The following SOX5 variants were observed in gnomAD, a reference collection of about 807,000 sequenced individuals.
The protein encoded by SOX5 is SRY-box transcription factor 5, also known as transcription factor SOX-5.
In SOX5, 9 loss-of-function variants were observed where a neutral mutation model predicts 92.0. The ratio of observed to expected loss-of-function variants is 0.10; its 90% CI spans 0.06 to 0.17. The LOEUF is 0.17. Among genes scored for constraint, SOX5 ranks in the 10% least tolerant of loss-of-function variants. SOX5 has a pLI of 1.00. For missense variants in SOX5, 642 were observed against 944.5 expected (o/e 0.68, Z 4.20); for synonymous variants, 344 against 336.3 (o/e 1.02, Z -0.25).
chr12:24,228,869 A>T (rs1174056465), intron 3 of SOX5, among the ~76,000 whole-genome samples: 2 of 151,900 alleles, frequency 1.3e-5, no homozygotes, highest in East Asian at 3.9e-4. Flanking sequence ...GGTGCCTCTC[A>T]CCCCTGGCCT....
chr12:24,299,298 C>A (rs1030641027), intron 2 of SOX5, among the ~76,000 whole-genome samples: 1 of 152,070 alleles, frequency 6.6e-6, no homozygotes, highest in Non-Finnish European at 1.5e-5. Context: ...CAATTTACGA[C>A]AAGTTATCTA....
intron 1 of SOX5, among the ~76,000 whole-genome samples, chr12:23,901,899 A>C (rs2097237478): frequency 6.6e-6 from 1 of 152,212 alleles, no homozygotes; most frequent in South Asian, 2.1e-4. Context: ...ATGTCTCAGT[A>C]TTGTCAGAAA....
rs1372141593 is a variant in SOX5 at position 23,533,535 on chromosome 12, G to C, written c.*684C>G. On this transcript the variant is annotated 3_prime_UTR_variant, in exon 15 of 15. Coordinates refer to ENST00000451604, the MANE Select transcript of SOX5 (RefSeq NM_006940.6). ...CAAAGATGTAGTGTGGTGTGCAATAGATAAAGTCCTCTAAAGAAAATAATT... is the reference window on the plus strand; with the variant it reads ...CAAAGATGTAGTGTGGTGTGCAATACATAAAGTCCTCTAAAGAAAATAATT... The C allele has an allele frequency of 2.5e-5, 4 of 160,196 alleles. No homozygotes were observed. Among genetic ancestry groups the C allele is most frequent in the South Asian group, 3.6e-4 (2 of 5,620 alleles). The allele number at this position is 160,196 out of a possible 1,614,324, so 9.9% of individuals were successfully genotyped here. A position where few individuals can be genotyped will look rare whatever the true frequency, so the allele number is the denominator to read the frequency against.
chr12:23,561,816 A>G (rs1365172740), intron 11 of SOX5, among the ~76,000 whole-genome samples: 1 of 142,830 alleles, frequency 7.0e-6, no homozygotes, highest in African/African-American at 2.6e-5. Flanking sequence ...GGAGGATTAA[A>G]AAAAAAAAAA....
At chr12:24,282,961 G>A (rs1473159759) in intron 2 of SOX5, among the ~76,000 whole-genome samples, 2 of 152,110 alleles carry the variant, frequency 1.3e-5, no homozygotes, top group Non-Finnish European at 2.9e-5. Flanking sequence ...CTATATTCAG[G>A]CCTTATGTGA....
chr12:23,787,839 G>T (rs1222646827), intron 3 of SOX5, among the ~76,000 whole-genome samples: 2 of 151,704 alleles, frequency 1.3e-5, no homozygotes, highest in Non-Finnish European at 1.5e-5. Flanking sequence ...GTAGTTACAG[G>T]CTCAATGCTC....
At chr12:23,832,492 A>T (rs955696107) in intron 3 of SOX5, among the ~76,000 whole-genome samples, 23 of 152,182 alleles carry the variant, frequency 1.5e-4, no homozygotes, top group African/African-American at 5.5e-4. Flanking sequence ...AAAAATGTAT[A>T]AAGGAGAATT....
At chr12:23,910,153 G>GTTATTTA (rs2097336007) in intron 1 of SOX5, among the ~76,000 whole-genome samples, 2 of 151,958 alleles carry the variant, frequency 1.3e-5, no homozygotes, top group African/African-American at 4.8e-5. Context: ...TTTATGCTAA[G>GTTATTTA]GACTCTAGAA....
intron 6 of SOX5, among the ~76,000 whole-genome samples, chr12:23,673,779 G>A (rs1053886077): frequency 2.0e-5 from 3 of 152,154 alleles, no homozygotes. Context: ...ATGAACTGGG[G>A]ACACAGGTAA....
chr12:24,321,124 C>A (rs1188607066), intron 2 of SOX5, among the ~76,000 whole-genome samples: 1 of 152,086 alleles, frequency 6.6e-6, no homozygotes, highest in African/African-American at 2.4e-5. Flanking sequence ...AGGGTTAATG[C>A]TGTAGTCTGG....
intron 4 of SOX5, among the ~76,000 whole-genome samples, chr12:24,148,354 G>T (rs1008797325): frequency 6.6e-6 from 1 of 151,876 alleles, no homozygotes; most frequent in Admixed American, 6.6e-5. Context: ...AATTAGCTGG[G>T]TGTGGTGATG....
chr12:23,546,489 T>G (rs993250226), intron 11 of SOX5, 65 bp from the exon 12 acceptor site: 16 of 904,900 alleles, frequency 1.8e-5, no homozygotes, highest in East Asian at 2.4e-5. Flanking sequence ...TTTCTTTTTT[T>G]GGGCCACATA....
At chr12:24,020,849 A>G (rs752248701) in intron 4 of SOX5, among the ~76,000 whole-genome samples, 6 of 152,090 alleles carry the variant, frequency 3.9e-5, no homozygotes, top group Non-Finnish European at 8.8e-5. Context: ...CTCTCAAACT[A>G]TTCTCAATCG....
chr12:24,440,257 G>A (rs1028886351), intron 1 of SOX5, among the ~76,000 whole-genome samples: 6 of 152,152 alleles, frequency 3.9e-5, no homozygotes, highest in African/African-American at 1.4e-4. Flanking sequence ...CGCTGACTGA[G>A]GAACCCCCTC....
intron 2 of SOX5, among the ~76,000 whole-genome samples, chr12:23,863,793 TACACACACACACACACACACACACACAC>T (rs71059936): frequency 1.4e-5 from 2 of 145,704 alleles, no homozygotes; most frequent in Non-Finnish European, 3.0e-5. Context: ...TTAAACACAC[TACACACACACACACACACACACACACAC>T]ACACACACAC....
At chr12:23,865,491 T>C (rs1365256342) in intron 2 of SOX5, among the ~76,000 whole-genome samples, 4 of 152,072 alleles carry the variant, frequency 2.6e-5, no homozygotes. Flanking sequence ...TTGGCTAACA[T>C]GGTGACACCC....
chr12:23,655,932 C>T (rs1009157791), intron 7 of SOX5, among the ~76,000 whole-genome samples: 1 of 152,044 alleles, frequency 6.6e-6, no homozygotes, highest in East Asian at 1.9e-4. Flanking sequence ...AATAGTTTCA[C>T]AACAGGAGTA....
chr12:23,644,231 T>C (rs149355215), intron 7 of SOX5, among the ~76,000 whole-genome samples: 39 of 152,222 alleles, frequency 2.6e-4, no homozygotes, highest in African/African-American at 8.2e-4. Flanking sequence ...TTTTGGCCAA[T>C]AGCAAGCAAA....
intron 1 of SOX5, among the ~76,000 whole-genome samples, chr12:24,515,551 A>G (rs1949705382): frequency 6.6e-6 from 1 of 152,170 alleles, no homozygotes; most frequent in African/African-American, 2.4e-5. Context: ...ACTAAATGGG[A>G]TTATCCCAGT....
Sources: allele counts gnomAD v4.1 joint callset (sites outside exome capture counted in the v4.1 genomes callset), GRCh38; gene constraint gnomAD v4.1.1; transcripts MANE v1.5; gene names NCBI Gene and HGNC (gene_info 2026-07-23, HGNC 2026-07-21).